The following NETO1 variants were observed in gnomAD, a reference collection of about 807,000 sequenced individuals.
NETO1 encodes neuropilin and tolloid like 1, also known as neuropilin and tolloid-like protein 1.
In NETO1, 26 loss-of-function variants were observed where a neutral mutation model predicts 61.3. The observed-to-expected ratio is 0.42, with a 90% CI of 0.31 to 0.59. The LOEUF (loss-of-function observed/expected upper bound fraction) is 0.59, where lower values mean the gene tolerates loss of function less well. NETO1 is among the 20% of genes least tolerant of loss of function. The pLI is 0.12. For missense variants in NETO1, 531 were observed against 662.8 expected, an observed-to-expected ratio of 0.80 and a Z score of 2.18; for synonymous variants, 225 against 225.8, an observed-to-expected ratio of 1.00 and a Z score of 0.03.
chr18:72,860,870 T>C (rs1360905886), intron 3 of NETO1, among the ~76,000 whole-genome samples: 1 of 152,308 alleles, frequency 6.6e-6, no homozygotes, highest in East Asian at 1.9e-4. Context: ...CAGTACTAAG[T>C]ATAGCGCTTG....
rs553848831 is a variant in NETO1 at position 72,843,333 on chromosome 18, G to A, written c.469+15493C>T. On this transcript the variant is annotated intron_variant, in intron 4 of 10. Coordinates refer to ENST00000327305, the MANE Select transcript of NETO1 (RefSeq NM_138966.5). ...AAGCAAATATTGTCTAAATGACAAG[G>A]AAATAACGAATAGAAAAAAAGTTAC... is the stretch of plus-strand genomic sequence containing the variant. 1.2e-4 allele frequency among the ~76,000 whole-genome samples: 18 copies of A among 152,234 alleles called. No individual in the cohort carries two copies. The Middle Eastern group carries it at 0.01, about 86-fold the overall frequency.
intron 6 of NETO1, among the ~76,000 whole-genome samples, chr18:72,792,335 G>A (rs1484217): frequency 0.34 from 51,165 of 151,878 alleles, 9,094 homozygotes; most frequent in Non-Finnish European, 0.4. Context: ...CAAGAAAATC[G>A]CTTGAGGTGG....
chr18:72,827,437 C>T (rs2073416738), intron 4 of NETO1, among the ~76,000 whole-genome samples: 1 of 152,134 alleles, frequency 6.6e-6, no homozygotes, highest in East Asian at 1.9e-4. Flanking sequence ...TTGGAGGGAC[C>T]TGCAGTACAG....
At chr18:72,792,840 C>T (rs1267456765) in intron 6 of NETO1, among the ~76,000 whole-genome samples, 6 of 151,934 alleles carry the variant, frequency 3.9e-5, no homozygotes, top group Non-Finnish European at 8.8e-5. Flanking sequence ...AAAGCATGCT[C>T]TCTTCTCTCC....
intron 4 of NETO1, chr18:72,834,659 G>A (rs1017106579): frequency 1.3e-5 from 13 of 984,712 alleles, no homozygotes; most frequent in Non-Finnish European, 1.6e-5. Flanking sequence ...TGTATTTTTA[G>A]TTCTTCAGTC....
intron 4 of NETO1, among the ~76,000 whole-genome samples, chr18:72,853,619 G>A (rs1026550003): frequency 4.6e-5 from 7 of 152,034 alleles, no homozygotes; most frequent in African/African-American, 1.7e-4. Context: ...TCAGCCATGC[G>A]TGGAGTTGCA....
At chr18:72,808,901 G>C (rs2072771683) in intron 4 of NETO1, among the ~76,000 whole-genome samples, 1 of 152,248 alleles carries the variant, frequency 6.6e-6, no homozygotes, top group Non-Finnish European at 1.5e-5. Context: ...GAGAGCAAAT[G>C]CAGAATGCCA....
At position 72,744,421 on chromosome 18, in the gene NETO1, T is replaced by C. The variant is rs2145052965; in HGVS notation, c.*3758A>G. ...CCTTATTACACCTTTAAGATGGGCT[T>C]GGGAAATATTAATTAAGTGCATAGA... is the stretch of plus-strand genomic sequence containing the variant. On this transcript the variant is annotated 3_prime_UTR_variant, in exon 11 of 11. Transcript: ENST00000327305. 6.6e-6 allele frequency: 1 copy of C among 152,278 alleles called. No individual in the cohort carries two copies. Among genetic ancestry groups the C allele is most frequent in the South Asian group, 2.1e-4 (1 of 4,830 alleles). 9.4% of individuals were successfully genotyped at this position (152,278 alleles called of 1,614,324 possible).
chr18:72,785,595 T>C (rs1303435583), intron 6 of NETO1, among the ~76,000 whole-genome samples: 1 of 152,240 alleles, frequency 6.6e-6, no homozygotes, highest in East Asian at 1.9e-4. Context: ...ATGTGCAGGT[T>C]TGTTACATAT....
chr18:72,861,986 C>G (rs1297609642), intron 3 of NETO1, among the ~76,000 whole-genome samples: 5 of 152,230 alleles, frequency 3.3e-5, no homozygotes, highest in East Asian at 3.9e-4. Context: ...TTCTCAAGAC[C>G]CCATCCACTC....
At chr18:72,755,932 C>T in intron 8 of NETO1, 102 bp downstream of exon 8, 1 of 628,666 alleles carries the variant, frequency 1.6e-6, no homozygotes, top group South Asian at 2.1e-5. Flanking sequence ...ATAAAAGGCA[C>T]TATACACTCT....
chr18:72,764,528 G>A (rs2145147441), intron 7 of NETO1, among the ~76,000 whole-genome samples: 1 of 152,126 alleles, frequency 6.6e-6, no homozygotes, highest in East Asian at 1.9e-4. Context: ...GCTGTCACAG[G>A]TCCCTTATTT....
chr18:72,750,751 T>G (rs1381472228), intron 8 of NETO1, 131 bp from the exon 9 acceptor site: 1 of 594,246 alleles, frequency 1.7e-6, no homozygotes, highest in Admixed American at 3.2e-5. Flanking sequence ...TTTTACAGGC[T>G]TATAATAACT....
At chr18:72,852,748 CA>C (rs1246547600) in intron 4 of NETO1, among the ~76,000 whole-genome samples, 1 of 151,654 alleles carries the variant, frequency 6.6e-6, no homozygotes, top group Admixed American at 6.6e-5. Context: ...ATGGACTGGC[CA>C]GAAAAGTGAG....
intron 4 of NETO1, among the ~76,000 whole-genome samples, chr18:72,856,773 C>A (rs1292127610): frequency 6.6e-6 from 1 of 152,160 alleles, no homozygotes; most frequent in Non-Finnish European, 1.5e-5. Context: ...GAGTTCACTG[C>A]AGAGCCCTGG....
At chr18:72,800,203 G>GT (rs1019668238) in intron 4 of NETO1, among the ~76,000 whole-genome samples, 1 of 152,220 alleles carries the variant, frequency 6.6e-6, no homozygotes, top group African/African-American at 2.4e-5. Context: ...AATAAGCCAG[G>GT]TGAATGGACT....
At chr18:72,812,302 T>C (rs1050641121) in intron 4 of NETO1, among the ~76,000 whole-genome samples, 1 of 152,254 alleles carries the variant, frequency 6.6e-6, no homozygotes, top group Admixed American at 6.5e-5. Context: ...ATGGACTTAA[T>C]AAACCTCCAA....
At chr18:72,853,617 G>A (rs2074324235) in intron 4 of NETO1, among the ~76,000 whole-genome samples, 2 of 152,104 alleles carry the variant, frequency 1.3e-5, no homozygotes, top group African/African-American at 4.8e-5. Flanking sequence ...AATCAGCCAT[G>A]CGTGGAGTTG....
At chr18:72,766,317 A>G (rs541662401) in intron 7 of NETO1, among the ~76,000 whole-genome samples, 3 of 151,972 alleles carry the variant, frequency 2.0e-5, no homozygotes, top group Non-Finnish European at 4.4e-5. Context: ...TAAAAAATAT[A>G]TAAAATATAT....
Sources: allele counts gnomAD v4.1 joint callset (sites outside exome capture counted in the v4.1 genomes callset), GRCh38; gene constraint gnomAD v4.1.1; transcripts MANE v1.5; gene names NCBI Gene and HGNC (gene_info 2026-07-23, HGNC 2026-07-21).